ATP8A1: variants seen among roughly 807,000 people sequenced by gnomAD.
ATP8A1 encodes the protein ATPase phospholipid transporting 8A1.
ATP8A1 carries 90 observed loss-of-function variants against 177.7 expected under a neutral mutation model. The ratio of observed to expected loss-of-function variants is 0.51; its 90% confidence interval spans 0.43 to 0.60. ATP8A1 has a LOEUF of 0.60. Ranked by LOEUF, ATP8A1 falls within the 20% of genes least tolerant of loss-of-function variation. ATP8A1 has a pLI of 0.00. For synonymous variants in ATP8A1, 493 were observed against 485.9 expected, an observed-to-expected ratio of 1.01 and a Z score of -0.19; for missense variants, 1,072 against 1,392.8, an observed-to-expected ratio of 0.77 and a Z score of 3.67.
intron 11 of ATP8A1, 148 bp from the exon 12 acceptor site, chr4:42,578,535 A>G: frequency 1.2e-6 from 1 of 846,068 alleles, no homozygotes; most frequent in African/African-American, 1.7e-5. Context: ...CCTAATTCTC[A>G]AGTACATCCT....
At chr4:42,531,941 AAC>A (rs1227184112) in intron 20 of ATP8A1, among the ~76,000 whole-genome samples, 1 of 152,112 alleles carries the variant, frequency 6.6e-6, no homozygotes. Context: ...CTCTACAAAA[AAC>A]ACAAAAAAGT....
chr4:42,545,646 A>T (rs570542713), intron 19 of ATP8A1, among the ~76,000 whole-genome samples: 86 of 152,288 alleles, frequency 5.6e-4, no homozygotes, highest in African/African-American at 2.0e-3. Context: ...CAGAAGCTTG[A>T]CAAAAATTCA....
At chr4:42,478,263 G>C (rs898554130) in intron 25 of ATP8A1, among the ~76,000 whole-genome samples, 13 of 152,066 alleles carry the variant, frequency 8.5e-5, no homozygotes, top group Admixed American at 8.5e-4. Flanking sequence ...GGCTGAGGTA[G>C]GAGGATCACT....
chr4:42,426,972 A>G (rs1053065127), intron 33 of ATP8A1, among the ~76,000 whole-genome samples: 4 of 152,248 alleles, frequency 2.6e-5, no homozygotes, highest in Non-Finnish European at 4.4e-5. Context: ...AGGGAAAATT[A>G]TTTGGAAAAT....
chr4:42,644,199 G>A (rs1468317442), intron 1 of ATP8A1, among the ~76,000 whole-genome samples: 1 of 152,142 alleles, frequency 6.6e-6, no homozygotes, highest in Non-Finnish European at 1.5e-5. Context: ...AAATATATAG[G>A]AGAGTGGTTC....
chr4:42,611,324 C>T (rs17448038), intron 5 of ATP8A1, among the ~76,000 whole-genome samples: 34,203 of 152,046 alleles, frequency 0.22, 4,333 homozygotes, highest in Non-Finnish European at 0.29. Flanking sequence ...TCATGTGACC[C>T]TTTCTAAATA....
Position 42,638,032 on chromosome 4 carries a change from T to C in ATP8A1, c.50-10923A>G, listed in dbSNP as rs567025615. Among the ~76,000 whole-genome samples the C allele has an allele frequency of 4.6e-5, 7 of 152,336 alleles. No individual in the cohort carries two copies. In the East Asian group the frequency reaches 1.3e-3, roughly 29 times the overall value. ...GCACAAGGGTATGGGTAAGTATCTA[T>C]TAAGTATGCTACTCTAATATGGGGA... On this transcript the variant is annotated intron_variant, in intron 1 of 36. Transcript: ENST00000381668.
chr4:42,524,365 T>C (rs1472581936), intron 21 of ATP8A1, among the ~76,000 whole-genome samples: 1 of 152,136 alleles, frequency 6.6e-6, no homozygotes, highest in African/African-American at 2.4e-5. Context: ...CTAAATTTAA[T>C]AGCTATTTTA....
intron 5 of ATP8A1, among the ~76,000 whole-genome samples, chr4:42,603,475 T>C (rs1363989015): frequency 6.6e-6 from 1 of 152,224 alleles, no homozygotes; most frequent in Non-Finnish European, 1.5e-5. Flanking sequence ...ACTTTTATTT[T>C]GTTGTTTCTG....
rs760979656 is a variant in ATP8A1 at position 42,455,612 on chromosome 4, A to AGCG, written c.2620-14_2620-13insCGC. 29 of 1,609,450 alleles carry AGCG rather than the reference A, an allele frequency of 1.8e-5. No individual in the cohort carries two copies. The East Asian group carries it at 6.2e-4, about 35-fold the overall frequency. ...AGGCAAACCAGATCTAGGAAAAAAA[A>AGCG]CCCAAAACCCCCAAATTAGAATACA... On this transcript the variant is annotated splice_polypyrimidine_tract_variant and intron_variant, in intron 27 of 36. Transcript: ENST00000381668.
intron 15 of ATP8A1, among the ~76,000 whole-genome samples, chr4:42,566,427 T>C (rs1340399127): frequency 6.6e-6 from 1 of 152,208 alleles, no homozygotes; most frequent in Non-Finnish European, 1.5e-5. Context: ...GTCAGATGCC[T>C]GGAGCACAGG....
intron 31 of ATP8A1, among the ~76,000 whole-genome samples, chr4:42,445,401 G>A (rs1717102929): frequency 6.6e-6 from 1 of 152,100 alleles, no homozygotes; most frequent in Non-Finnish European, 1.5e-5. Flanking sequence ...ATCTTACAGA[G>A]ATTTTTTTTT....
intron 6 of ATP8A1, among the ~76,000 whole-genome samples, chr4:42,593,797 T>C (rs1047249073): frequency 6.6e-6 from 1 of 151,766 alleles, no homozygotes; most frequent in Non-Finnish European, 1.5e-5. Flanking sequence ...CTGAAAGAAC[T>C]TAAAAGAAAG....
At position 42,581,813 on chromosome 4, in the gene ATP8A1, A is replaced by T. The variant is rs150692929; in HGVS notation, c.723-81T>A. 889 of 971,290 alleles carry T rather than the reference A, an allele frequency of 9.2e-4. 5 individuals carry two copies. In the Admixed American group the frequency reaches 0.013, roughly 14 times the overall value. 60.2% of individuals were successfully genotyped at this position (971,290 alleles called of 1,614,324 possible). A position where few individuals can be genotyped will look rare whatever the true frequency, so the allele number is the denominator to read the frequency against. On this transcript the variant is annotated intron_variant, in intron 9 of 36. Coordinates refer to ENST00000381668, the MANE Select transcript of ATP8A1 (RefSeq NM_006095.2). ...CTAGTTACCATATAGTTACAAAAGTACCCATTATTAAAATAACCCTTCTCA... is the reference window on the plus strand; with the variant it reads ...CTAGTTACCATATAGTTACAAAAGTTCCCATTATTAAAATAACCCTTCTCA...
chr4:42,571,185 G>A (rs750997786), intron 14 of ATP8A1, among the ~76,000 whole-genome samples: 1 of 152,118 alleles, frequency 6.6e-6, no homozygotes, highest in East Asian at 1.9e-4. Flanking sequence ...GAAATTTCTC[G>A]TGGTGAGTCT....
chr4:42,627,127 T>C lies in ATP8A1; in HGVS notation c.50-18A>G, dbSNP rs1029588022. ...CTCATAACCTTAAAAAGAGATCTTC[T>C]TATTGTACAAGAAATGTTTTATTGT... On this transcript the variant is annotated intron_variant, in intron 1 of 36. Coordinates refer to ENST00000381668, the MANE Select transcript of ATP8A1 (RefSeq NM_006095.2). The C allele has an allele frequency of 3.2e-6, 5 of 1,577,226 alleles. No homozygotes were observed. Among genetic ancestry groups the C allele is most frequent in the Non-Finnish European group, 4.4e-6 (5 of 1,148,150 alleles).
intron 20 of ATP8A1, among the ~76,000 whole-genome samples, chr4:42,539,251 G>A (rs1329096917): frequency 6.6e-6 from 1 of 151,954 alleles, no homozygotes; most frequent in Non-Finnish European, 1.5e-5. Context: ...TTTGGGACCT[G>A]GGGGGAGAGG....
intron 1 of ATP8A1, among the ~76,000 whole-genome samples, chr4:42,634,354 A>G (rs190556541): frequency 8.1e-4 from 123 of 152,346 alleles, no homozygotes; most frequent in Non-Finnish European, 1.5e-3. Flanking sequence ...TAAATTTACA[A>G]TATTTTGGAT....
chr4:42,455,551 T>G lies in ATP8A1; in HGVS notation c.2668A>C (p.Arg890=), dbSNP rs1469921579. ...ACGTTATAGAGACCTATACACCATC[T>G]TTCAAAGAGGATCTGTCCAGAAAAG... ...NGFSGQILFE[R]WCIGLYNVMF... Residue 890 remains arginine (R), a synonymous_variant, in exon 28 of 37, where the codon AGA becomes CGA. Transcript: ENST00000381668. 1.3e-5 allele frequency: 21 copies of G among 1,613,634 alleles called. No homozygotes were observed. The highest frequency in any genetic ancestry group is 1.7e-5 in the Non-Finnish European group (20 of 1,179,770).
Sources: allele counts gnomAD v4.1 joint callset (sites outside exome capture counted in the v4.1 genomes callset), GRCh38; gene constraint gnomAD v4.1.1; transcripts MANE v1.5; gene names NCBI Gene and HGNC (gene_info 2026-07-23, HGNC 2026-07-21).